Variants in ST6GALNAC3 observed in about 807,000 individuals in gnomAD.
The protein encoded by ST6GALNAC3 is alpha-N-acetylgalactosaminide alpha-2,6-sialyltransferase 3.
Under a neutral mutation model 32.7 loss-of-function variants are expected in ST6GALNAC3, and 25 were observed. The ratio of observed to expected loss-of-function variants is 0.76; its 90% CI spans 0.56 to 1.07. The LOEUF (loss-of-function observed/expected upper bound fraction) is 1.07. ST6GALNAC3 is among the 50% of genes least tolerant of loss of function. ST6GALNAC3 has a pLI of 0.00. For missense variants in ST6GALNAC3, 355 were observed against 382.4 expected (o/e 0.93, Z 0.60); for synonymous variants, 129 against 133.1 (o/e 0.97, Z 0.21).
At chr1:76,191,825 C>T (rs753618832) in intron 1 of ST6GALNAC3, among the ~76,000 whole-genome samples, 1 of 151,666 alleles carries the variant, frequency 6.6e-6, no homozygotes, top group Admixed American at 6.6e-5. Context: ...GGGTAGGCTG[C>T]ATGTAAATTA....
chr1:76,435,226 TTTAAAA>T (rs1279670764), intron 3 of ST6GALNAC3, among the ~76,000 whole-genome samples: 2 of 152,156 alleles, frequency 1.3e-5, no homozygotes, highest in African/African-American at 2.4e-5. Flanking sequence ...TTAGGAATAT[TTTAAAA>T]TATACAACAA....
intron 1 of ST6GALNAC3, among the ~76,000 whole-genome samples, chr1:76,079,091 T>C (rs1404373042): frequency 6.6e-6 from 1 of 152,132 alleles, no homozygotes; most frequent in Non-Finnish European, 1.5e-5. Context: ...CTAGGACCAG[T>C]CTCTTTTCAT....
chr1:76,218,776 A>T (rs1204850104), intron 1 of ST6GALNAC3, among the ~76,000 whole-genome samples: 1 of 152,170 alleles, frequency 6.6e-6, no homozygotes, highest in African/African-American at 2.4e-5. Context: ...AATCTGGCAG[A>T]TCTATGTTTG....
chr1:76,417,006 T>C (rs964093509), intron 3 of ST6GALNAC3, among the ~76,000 whole-genome samples: 1 of 152,132 alleles, frequency 6.6e-6, no homozygotes, highest in African/African-American at 2.4e-5. Context: ...CATTTAAATG[T>C]CTTAGAATAA....
intron 3 of ST6GALNAC3, among the ~76,000 whole-genome samples, chr1:76,538,984 A>G (rs1424313289): frequency 6.6e-6 from 1 of 152,212 alleles, no homozygotes; most frequent in East Asian, 1.9e-4. Context: ...TTAAATTACC[A>G]TTGATGTTCT....
chr1:76,593,620 G>A (rs539546325), intron 3 of ST6GALNAC3, among the ~76,000 whole-genome samples: 5 of 152,238 alleles, frequency 3.3e-5, no homozygotes, highest in East Asian at 3.9e-4. Flanking sequence ...TACCACACCC[G>A]ATCAAGAGTG....
At chr1:76,461,304 G>A (rs889212554) in intron 3 of ST6GALNAC3, among the ~76,000 whole-genome samples, 3 of 152,118 alleles carry the variant, frequency 2.0e-5, no homozygotes. Context: ...TTATATTTAA[G>A]TAGTTTCTCC....
intron 2 of ST6GALNAC3, among the ~76,000 whole-genome samples, chr1:76,383,923 A>G (rs1396660611): frequency 5.3e-5 from 8 of 152,216 alleles, no homozygotes; most frequent in Admixed American, 5.2e-4. Flanking sequence ...TAACAAACTA[A>G]GAGATAATAA....
In ST6GALNAC3 at chr1:76,632,290, G is replaced by A. The variant is rs544603220; in HGVS notation, c.*3484G>A. ...TTCAAAAGCTGGCCAGAAGAATAAA[G>A]CTAGAGAAGCTGCTAAATCTAGAAA... On this transcript the variant is annotated 3_prime_UTR_variant, in exon 5 of 5. Transcript: ENST00000328299. 1 of 152,184 alleles carries A rather than the reference G, an allele frequency of 6.6e-6. No individual in the cohort carries two copies. The highest frequency in any genetic ancestry group is 1.9e-4 in the East Asian group (1 of 5,168). 9.4% of individuals were successfully genotyped at this position (152,184 alleles called of 1,614,324 possible).
At chr1:76,606,063 A>G (rs1647524734) in intron 3 of ST6GALNAC3, among the ~76,000 whole-genome samples, 1 of 151,992 alleles carries the variant, frequency 6.6e-6, no homozygotes, top group South Asian at 2.1e-4. Context: ...ACATCAAGAA[A>G]CAACAGATGC....
chr1:76,501,456 C>A (rs746365864), intron 3 of ST6GALNAC3, among the ~76,000 whole-genome samples: 2 of 152,146 alleles, frequency 1.3e-5, no homozygotes, highest in Non-Finnish European at 2.9e-5. Flanking sequence ...TTCCTTCTTT[C>A]TTTTTTCGTC....
At chr1:76,218,584 A>AT (rs1655602748) in intron 1 of ST6GALNAC3, among the ~76,000 whole-genome samples, 1 of 152,236 alleles carries the variant, frequency 6.6e-6, no homozygotes, top group African/African-American at 2.4e-5. Flanking sequence ...AGGAAAAATT[A>AT]TATCTATAAT....
rs566698404 is a variant in ST6GALNAC3 at position 76,102,447 on chromosome 1, C to G, written c.18+27563C>G. On this transcript the variant is annotated intron_variant, in intron 1 of 4. Coordinates refer to ENST00000328299, the MANE Select transcript of ST6GALNAC3 (RefSeq NM_152996.4). ...ATTTATTATTTTATTAATTTGCTAT[C>G]TTTCTTTTAGTCCTGCTTGTTCCTT... Among the ~76,000 whole-genome samples the G allele has an allele frequency of 3.7e-4, 56 of 152,132 alleles. 2 individuals are homozygous for G. In the South Asian group the frequency reaches 0.011, roughly 30 times the overall value.
intron 1 of ST6GALNAC3, among the ~76,000 whole-genome samples, chr1:76,092,995 C>T (rs1251079485): frequency 1.3e-5 from 2 of 152,144 alleles, no homozygotes; most frequent in African/African-American, 2.4e-5. Context: ...GGTGGTTTGA[C>T]TCATGTCTGT....
At chr1:76,558,741 C>A (rs967135274) in intron 3 of ST6GALNAC3, among the ~76,000 whole-genome samples, 5 of 152,048 alleles carry the variant, frequency 3.3e-5, no homozygotes, top group African/African-American at 1.2e-4. Flanking sequence ...ACCCGTAAAC[C>A]TAAAATAAAA....
chr1:76,380,619 G>A (rs1651627505), intron 2 of ST6GALNAC3, among the ~76,000 whole-genome samples: 1 of 152,142 alleles, frequency 6.6e-6, no homozygotes, highest in African/African-American at 2.4e-5. Context: ...ACACTATGTA[G>A]CCTGAAATGA....
intron 1 of ST6GALNAC3, among the ~76,000 whole-genome samples, chr1:76,257,808 T>C (rs1383383057): frequency 6.6e-6 from 1 of 152,070 alleles, no homozygotes; most frequent in East Asian, 1.9e-4. Context: ...GAAAAAAGAA[T>C]AGGATAGAGG....
intron 1 of ST6GALNAC3, among the ~76,000 whole-genome samples, chr1:76,112,099 G>A (rs868127864): frequency 3.4e-5 from 5 of 146,648 alleles, no homozygotes; most frequent in Admixed American, 6.7e-5. Flanking sequence ...CGGACGGGGC[G>A]GCTGGCCGGG....
chr1:76,204,596 A>T (rs1654717808), intron 1 of ST6GALNAC3, among the ~76,000 whole-genome samples: 1 of 152,156 alleles, frequency 6.6e-6, no homozygotes, highest in Non-Finnish European at 1.5e-5. Context: ...GATATCCAGA[A>T]GCAGTGTTTC....
Sources: allele counts gnomAD v4.1 joint callset (sites outside exome capture counted in the v4.1 genomes callset), GRCh38; gene constraint gnomAD v4.1.1; transcripts MANE v1.5; gene names NCBI Gene and HGNC (gene_info 2026-07-23, HGNC 2026-07-21).